Variants in CENPI observed in about 807,000 individuals in gnomAD.
The protein encoded by CENPI is centromere protein I, also known as FSH primary response 1.
CENPI carries 4 observed loss-of-function variants against 60.4 expected under a neutral mutation model. The observed-to-expected ratio is 0.07, with a 90% confidence interval of 0.03 to 0.15. CENPI has a LOEUF of 0.15. Among genes scored for constraint, CENPI ranks in the 10% least tolerant of loss-of-function variants. The probability of loss-of-function intolerance (pLI) is 1.00; values close to 1 mark genes in which losing one functional copy is unlikely to be tolerated. For synonymous variants in CENPI, 157 were observed against 189.4 expected, an observed-to-expected ratio of 0.83 and a Z score of 1.40; for missense variants, 444 against 534.5, an observed-to-expected ratio of 0.83 and a Z score of 1.67.
intron 8 of CENPI, among the ~76,000 whole-genome samples, chrX:101,124,929 CAG>C (rs2089719330): frequency 9.0e-6 from 1 of 111,574 alleles, no homozygotes; most frequent in African/African-American, 3.3e-5. Context: ...TACATCATCA[CAG>C]GGTGTAAACC....
At chrX:101,110,165 A>C (rs1436247438) in intron 6 of CENPI, among the ~76,000 whole-genome samples, 167 bp downstream of exon 6, 2 of 112,568 alleles carry the variant, frequency 1.8e-5, no homozygotes, top group African/African-American at 3.2e-5. Flanking sequence ...AAATATACAG[A>C]AAAGGGCAAA....
intron 20 of CENPI, among the ~76,000 whole-genome samples, chrX:101,151,580 G>A (rs1396067716): frequency 1.8e-5 from 2 of 111,200 alleles, no homozygotes; most frequent in South Asian, 3.7e-4. Flanking sequence ...GCCTGTAATC[G>A]CAGCACTTTG....
chrX:101,133,522 G>A (rs370229607), intron 15 of CENPI, among the ~76,000 whole-genome samples: 21 of 108,367 alleles, frequency 1.9e-4, no homozygotes, highest in African/African-American at 6.4e-4. Context: ...ATTCAGACAC[G>A]TATATTTGAG....
the CENPI span, among the ~76,000 whole-genome samples, chrX:101,173,759 AC>A: frequency 7.3e-5 from 8 of 110,295 alleles, no homozygotes; most frequent in African/African-American, 1.6e-4. Flanking sequence ...AGAAATTAAA[AC>A]CCTGAAGAGA....
the CENPI span, among the ~76,000 whole-genome samples, chrX:101,177,109 C>T: frequency 9.0e-6 from 1 of 111,245 alleles, no homozygotes; most frequent in Non-Finnish European, 1.9e-5. Flanking sequence ...GTCTTTTGGG[C>T]TCCTAGGTGG....
At chrX:101,159,806 C>G (rs779668091) in intron 20 of CENPI, among the ~76,000 whole-genome samples, 6 of 111,419 alleles carry the variant, frequency 5.4e-5, no homozygotes, top group Non-Finnish European at 7.5e-5. Flanking sequence ...GATGGTGGTT[C>G]CATTTATTAT....
At chrX:101,134,040 G>T (rs764948883) in intron 15 of CENPI, among the ~76,000 whole-genome samples, 21 of 111,765 alleles carry the variant, frequency 1.9e-4, no homozygotes, top group Non-Finnish European at 3.6e-4. Context: ...AGGGGAAGTT[G>T]TTTGTTTGTT....
Position 101,115,568 on chromosome X carries a change from T to C in CENPI, c.592-4834T>C, listed in dbSNP as rs1271795292. 3.6e-5 allele frequency among the ~76,000 whole-genome samples: 4 copies of C among 111,448 alleles called. No homozygotes were observed. In the East Asian group the frequency reaches 1.1e-3, roughly 32 times the overall value. ...TTCTAGAGGCAGAGTCTCACTATGT[T>C]GCCCAGGCTGGCCTTGATTTTCTGG... is the stretch of plus-strand genomic sequence containing the variant. On this transcript the variant is annotated intron_variant, in intron 6 of 21. Coordinates refer to ENST00000682095, the MANE Select transcript of CENPI (RefSeq NM_001386188.2).
rs189577554 is a variant in CENPI, at chrX:101,152,409, T to C, written c.2094+4248T>C. On this transcript the variant is annotated intron_variant, in intron 20 of 21. Coordinates refer to ENST00000682095, the MANE Select transcript of CENPI (RefSeq NM_001386188.2). ...AAATCACACAATATGTGGTCTTCTG[T>C]GACTGGCTTCTTTCTTTTTCTTTTT... Among the ~76,000 whole-genome samples, 8 of 110,367 alleles carry C rather than the reference T, an allele frequency of 7.2e-5. No individual in the cohort carries two copies. In the East Asian group the frequency reaches 2.3e-3, roughly 32 times the overall value.
At chrX:101,144,954 T>C (rs1383308673) in intron 16 of CENPI, 110 bp from the exon 17 acceptor site, 10 of 615,538 alleles carry the variant, frequency 1.6e-5, no homozygotes, top group African/African-American at 6.8e-5. Flanking sequence ...GGAGCACTGA[T>C]AGTTTTTAAA....
chrX:101,179,442 C>A, the CENPI span, among the ~76,000 whole-genome samples: 1 of 112,259 alleles, frequency 8.9e-6, no homozygotes, highest in Non-Finnish European at 1.9e-5. Context: ...TGGATTGTTT[C>A]CATTTTTGAC....
downstream of CENPI, among the ~76,000 whole-genome samples, chrX:101,166,949 G>A (rs1052967846): frequency 9.8e-5 from 11 of 111,990 alleles, no homozygotes; most frequent in Non-Finnish European, 1.9e-5. Flanking sequence ...TAGTAGAGAC[G>A]GGATTCCACC....
chrX:101,177,670 A>C, the CENPI span, among the ~76,000 whole-genome samples: 1 of 111,909 alleles, frequency 8.9e-6, no homozygotes, highest in Non-Finnish European at 1.9e-5. Flanking sequence ...GGGTGCTCAC[A>C]CTTTGGGCCT....
intron 6 of CENPI, among the ~76,000 whole-genome samples, chrX:101,114,478 C>A (rs1422518610): frequency 9.0e-6 from 1 of 111,682 alleles, no homozygotes; most frequent in Non-Finnish European, 1.9e-5. Context: ...CTCTCTATTA[C>A]CCCCCTAGCT....
chrX:101,128,624 C>G, intron 11 of CENPI, 92 bp from the exon 12 acceptor site: 1 of 979,875 alleles, frequency 1.0e-6, no homozygotes, highest in South Asian at 2.4e-5. Context: ...GCCACCATGC[C>G]CAGCCTATTT....
intron 20 of CENPI, among the ~76,000 whole-genome samples, chrX:101,154,495 C>T (rs772728553): frequency 1.3e-4 from 15 of 111,206 alleles, no homozygotes; most frequent in Admixed American, 6.8e-4. Flanking sequence ...GCAGGAGAAT[C>T]GCTTGAACCT....
At position 101,130,041 on chromosome X, in the gene CENPI, G is replaced by C. The variant is rs766998205; in HGVS notation, c.1255G>C (p.Asp419His). The C allele has an allele frequency of 8.3e-7, 1 of 1,202,615 alleles. No homozygotes were observed. Among genetic ancestry groups the C allele is most frequent in the Non-Finnish European group, 1.1e-6 (1 of 887,435 alleles). The part of the protein sequence containing the change: ...EHGKEFTNFL[D>H]TIIRAECFLQ... The stretch of plus-strand genomic sequence containing the variant: ...TGGAAAAGAATTTACCAACTTCCTG[G>C]ATACCATCATCAGGGCAGAGTGCTT... Residue 419 changes from aspartate (D) to histidine (H), a missense_variant, in exon 13 of 22, where the codon GAT (aspartate) becomes CAT (histidine). By Grantham distance (81) the Asp-to-His change is moderately conservative. Transcript: ENST00000682095.
At chrX:101,132,941 AAT>A (rs1160092681) in intron 15 of CENPI, among the ~76,000 whole-genome samples, 1 of 110,944 alleles carries the variant, frequency 9.0e-6, no homozygotes, top group African/African-American at 3.3e-5. Flanking sequence ...CCTTATATAT[AAT>A]ATGTTACTAT....
intron 8 of CENPI, 115 bp downstream of exon 8, chrX:101,120,899 A>G (rs1415639148): frequency 2.3e-5 from 13 of 571,860 alleles, no homozygotes; most frequent in Middle Eastern, 3.7e-4. Context: ...TTTTTGAGAC[A>G]GGGTCTCACT....
Sources: allele counts gnomAD v4.1 joint callset (sites outside exome capture counted in the v4.1 genomes callset), GRCh38; gene constraint gnomAD v4.1.1; transcripts MANE v1.5; gene names NCBI Gene and HGNC (gene_info 2026-07-23, HGNC 2026-07-21).